The following PDE3A variants were observed in gnomAD, a reference collection of about 807,000 sequenced individuals.
The protein encoded by PDE3A is cGMP-inhibited 3',5'-cyclic phosphodiesterase 3A.
Under a neutral mutation model 98.3 loss-of-function variants are expected in PDE3A, and 43 were observed. The ratio of observed to expected loss-of-function variants is 0.44; its 90% CI spans 0.34 to 0.56. PDE3A has a LOEUF of 0.56. Among genes scored for constraint, PDE3A ranks in the 20% least tolerant of loss-of-function variants. PDE3A has a pLI of 0.01. For missense variants in PDE3A, 1,427 were observed against 1,440.7 expected (o/e 0.99, Z 0.15); for synonymous variants, 663 against 567.9 (o/e 1.17, Z -2.38).
chr12:20,450,683 GT>G (rs1477893601), intron 1 of PDE3A, among the ~76,000 whole-genome samples: 1 of 152,232 alleles, frequency 6.6e-6, no homozygotes, highest in East Asian at 1.9e-4. Context: ...AGTAGTTCAA[GT>G]TGTCTTCAAC....
intron 2 of PDE3A, among the ~76,000 whole-genome samples, chr12:20,592,066 A>C (rs914658303): frequency 2.0e-5 from 3 of 152,196 alleles, no homozygotes; most frequent in Non-Finnish European, 4.4e-5. Context: ...AATTTTCAAT[A>C]TGGCACAGAT....
intron 2 of PDE3A, among the ~76,000 whole-genome samples, chr12:20,578,663 A>G (rs1942997311): frequency 6.6e-6 from 1 of 152,118 alleles, no homozygotes; most frequent in African/African-American, 2.4e-5. Context: ...CTAGGGCTAG[A>G]TACATTTTTA....
At chr12:20,664,912 T>G (rs1328488469) in intron 15 of PDE3A, among the ~76,000 whole-genome samples, 1 of 152,196 alleles carries the variant, frequency 6.6e-6, no homozygotes, top group East Asian at 1.9e-4. Context: ...CATACTCAAC[T>G]GCTCAGGCCA....
chr12:20,570,097 G>A (rs1471803641), intron 2 of PDE3A, among the ~76,000 whole-genome samples: 1 of 152,040 alleles, frequency 6.6e-6, no homozygotes, highest in Non-Finnish European at 1.5e-5. Context: ...TGAAAAGCAA[G>A]AGAGGGAGAA....
In PDE3A at chr12:20,466,169, A is replaced by G. The variant is rs145563533; in HGVS notation, c.961-90491A>G. Among the ~76,000 whole-genome samples, 922 of 152,312 alleles carry G rather than the reference A, an allele frequency of 6.1e-3. 11 individuals carry two copies. Among genetic ancestry groups the G allele is most frequent in the African/African-American group, 0.021 (883 of 41,566 alleles). On this transcript the variant is annotated intron_variant, in intron 1 of 15. Transcript: ENST00000359062. ...AGTACACTGAACCGTGTTATGCAAC[A>G]TGGAAATTGTTCCCATTCCAATGCC...
At chr12:20,436,268 G>A (rs546933740) in intron 1 of PDE3A, among the ~76,000 whole-genome samples, 5 of 152,218 alleles carry the variant, frequency 3.3e-5, no homozygotes, top group African/African-American at 1.2e-4. Flanking sequence ...GACAGCAGCT[G>A]CGAGATGTTT....
intron 1 of PDE3A, among the ~76,000 whole-genome samples, chr12:20,490,977 T>C (rs1945816198): frequency 6.6e-6 from 1 of 152,154 alleles, no homozygotes; most frequent in Non-Finnish European, 1.5e-5. Context: ...GGTATGTGCC[T>C]GTAGTCCTAG....
At chr12:20,526,480 G>A (rs147428899) in intron 1 of PDE3A, among the ~76,000 whole-genome samples, 65 of 152,200 alleles carry the variant, frequency 4.3e-4, no homozygotes, top group African/African-American at 1.6e-3. Context: ...TACAATTATA[G>A]CAAGTCATCA....
intron 8 of PDE3A, among the ~76,000 whole-genome samples, chr12:20,635,441 G>A (rs543069374): frequency 1.3e-5 from 2 of 152,054 alleles, no homozygotes; most frequent in Non-Finnish European, 2.9e-5. Flanking sequence ...AGCCGGGCGT[G>A]GTGGCACGCA....
At chr12:20,578,244 G>A (rs1435443857) in intron 2 of PDE3A, among the ~76,000 whole-genome samples, 1 of 152,050 alleles carries the variant, frequency 6.6e-6, no homozygotes, top group Non-Finnish European at 1.5e-5. Context: ...TGTCAGGATA[G>A]ACAAGGTGGT....
chr12:20,482,475 C>A (rs1945648442), intron 1 of PDE3A, among the ~76,000 whole-genome samples: 1 of 152,146 alleles, frequency 6.6e-6, no homozygotes, highest in Non-Finnish European at 1.5e-5. Context: ...TGAAGAGAAG[C>A]AGATTCTGGC....
intron 1 of PDE3A, among the ~76,000 whole-genome samples, chr12:20,548,781 C>G (rs1456184441): frequency 2.0e-5 from 3 of 152,086 alleles, no homozygotes; most frequent in Non-Finnish European, 4.4e-5. Flanking sequence ...CTTTTATCTG[C>G]TACTATGATA....
chr12:20,619,261 T>G (rs1230317923), intron 4 of PDE3A, among the ~76,000 whole-genome samples: 22 of 152,200 alleles, frequency 1.4e-4, no homozygotes, highest in Non-Finnish European at 1.5e-5. Flanking sequence ...CTTGAGTTCA[T>G]TAAATCTGCA....
intron 15 of PDE3A, among the ~76,000 whole-genome samples, chr12:20,678,450 T>C (rs751695551): frequency 1.3e-5 from 2 of 152,174 alleles, no homozygotes; most frequent in Admixed American, 6.5e-5. Flanking sequence ...CCAAGACAAG[T>C]TTCTTAAAGG....
At chr12:20,666,824 T>A (rs1945327044) in intron 15 of PDE3A, among the ~76,000 whole-genome samples, 1 of 152,198 alleles carries the variant, frequency 6.6e-6, no homozygotes, top group Non-Finnish European at 1.5e-5. Context: ...ATATGGTAGT[T>A]CTCTTTTGAG....
chr12:20,686,637 CA>C lies in PDE3A; in HGVS notation c.*6370del, dbSNP rs1945971305. 6.6e-6 allele frequency among the ~76,000 whole-genome samples: 1 copy of C among 151,974 alleles called. No homozygotes were observed. Among genetic ancestry groups the C allele is most frequent in the Non-Finnish European group, 1.5e-5 (1 of 67,946 alleles). On this transcript the variant is annotated 3_prime_UTR_variant, in exon 16 of 16. Transcript: ENST00000359062. ...GCAGGATATTTTTCCTTTCCTGTTT[CA>C]AAACAAAAACCAGATGAAGAAAAAA...
chr12:20,632,020 A>G (rs761552513), intron 6 of PDE3A, among the ~76,000 whole-genome samples: 1 of 152,046 alleles, frequency 6.6e-6, no homozygotes, highest in Non-Finnish European at 1.5e-5. Flanking sequence ...GCAACAAGCT[A>G]TTTTTCTGGC....
chr12:20,652,876 C>T (rs1416666132), intron 14 of PDE3A, among the ~76,000 whole-genome samples: 1 of 152,218 alleles, frequency 6.6e-6, no homozygotes, highest in Non-Finnish European at 1.5e-5. Context: ...AAACTACCAT[C>T]AGAGTGAACA....
intron 14 of PDE3A, among the ~76,000 whole-genome samples, chr12:20,651,119 A>C (rs1156733618): frequency 6.6e-6 from 1 of 152,208 alleles, no homozygotes; most frequent in Non-Finnish European, 1.5e-5. Flanking sequence ...TTGTAAAAAA[A>C]TTAATAAGAG....
Sources: allele counts gnomAD v4.1 joint callset (sites outside exome capture counted in the v4.1 genomes callset), GRCh38; gene constraint gnomAD v4.1.1; transcripts MANE v1.5; gene names NCBI Gene and HGNC (gene_info 2026-07-23, HGNC 2026-07-21).